Variants in RAPGEF6 observed in about 807,000 individuals in gnomAD.
RAPGEF6 encodes the protein Rap guanine nucleotide exchange factor 6.
Under a neutral mutation model 171.4 loss-of-function variants are expected in RAPGEF6, and 56 were observed. That is an observed-to-expected ratio of 0.33 (90% CI 0.26 to 0.41). RAPGEF6 has a LOEUF of 0.41. Ranked by LOEUF, RAPGEF6 falls within the 10% of genes least tolerant of loss-of-function variation. The pLI, the probability that RAPGEF6 is intolerant of heterozygous loss-of-function variation, is 1.00. For synonymous variants in RAPGEF6, 692 were observed against 650.1 expected (o/e 1.06, Z -0.98); for missense variants, 1,674 against 1,921.4 (o/e 0.87, Z 2.41).
intron 24 of RAPGEF6, among the ~76,000 whole-genome samples, chr5:131,437,145 C>T (rs1752060543): frequency 6.6e-6 from 1 of 152,164 alleles, no homozygotes; most frequent in Non-Finnish European, 1.5e-5. Flanking sequence ...TTTGATAGTA[C>T]ACATGCAAGA....
rs1758752081 is a variant in RAPGEF6 at position 131,524,615 on chromosome 5, AGAGAGAGAG to A, written c.496-3103_496-3095del. 1.8e-4 allele frequency among the ~76,000 whole-genome samples: 4 copies of A among 22,234 alleles called. No individual in the cohort carries two copies. The Admixed American group carries it at 2.6e-3, about 15-fold the overall frequency. The allele number at this position is 22,234 out of a possible 152,430, so 14.6% of individuals were successfully genotyped here. ...GGAGGGGGGAGAGAGAGATTGAGAG[AGAGAGAGAG>A]AGAGAGAGAGAGAGAGAGACTTGCT... On this transcript the variant is annotated intron_variant, in intron 6 of 27. Transcript: ENST00000509018.
At chr5:131,510,700 C>T (rs570694931) in intron 7 of RAPGEF6, among the ~76,000 whole-genome samples, 1 of 152,284 alleles carries the variant, frequency 6.6e-6, no homozygotes, top group East Asian at 1.9e-4. Flanking sequence ...AGTGTGACAA[C>T]TAGGTGATAA....
At chr5:131,468,331 CAAA>C (rs397760383) in intron 17 of RAPGEF6, among the ~76,000 whole-genome samples, 5 of 46,094 alleles carry the variant, frequency 1.1e-4, no homozygotes, top group Admixed American at 4.1e-4. Context: ...GACTCCATCT[CAAA>C]AAAAAAAAAA....
At chr5:131,553,854 C>G (rs1761060738) in intron 5 of RAPGEF6, among the ~76,000 whole-genome samples, 1 of 150,798 alleles carries the variant, frequency 6.6e-6, no homozygotes, top group Non-Finnish European at 1.5e-5. Flanking sequence ...AGAAGACTTA[C>G]TCAACATACA....
At chr5:131,619,749 TTC>T (rs1441393928) in intron 1 of RAPGEF6, among the ~76,000 whole-genome samples, 12 of 152,188 alleles carry the variant, frequency 7.9e-5, no homozygotes, top group Non-Finnish European at 4.4e-5. Context: ...TGACATGTCA[TTC>T]TCTCTCCTAT....
chr5:131,530,148 A>G (rs1759276405), intron 6 of RAPGEF6, among the ~76,000 whole-genome samples: 1 of 151,396 alleles, frequency 6.6e-6, no homozygotes, highest in South Asian at 2.1e-4. Flanking sequence ...TAAGAAAAAA[A>G]AAAAAAGTAA....
At chr5:131,574,458 C>T (rs931966194) in intron 4 of RAPGEF6, among the ~76,000 whole-genome samples, 1 of 152,134 alleles carries the variant, frequency 6.6e-6, no homozygotes, top group African/African-American at 2.4e-5. Context: ...ACCCACTCCA[C>T]ATTACCTTCT....
chr5:131,534,610 T>TTC (rs1759635346), intron 6 of RAPGEF6, among the ~76,000 whole-genome samples: 1 of 151,212 alleles, frequency 6.6e-6, no homozygotes, highest in Admixed American at 6.6e-5. Flanking sequence ...CAATGTGTTT[T>TTC]TTTTTTTTTC....
chr5:131,553,797 T>C (rs1037277630), intron 5 of RAPGEF6, among the ~76,000 whole-genome samples: 2 of 151,708 alleles, frequency 1.3e-5, no homozygotes, highest in African/African-American at 4.8e-5. Context: ...GAATGGTATA[T>C]TAAGATGCAA....
chr5:131,623,479 T>A (rs1476470861), intron 1 of RAPGEF6, among the ~76,000 whole-genome samples: 7 of 144,768 alleles, frequency 4.8e-5, no homozygotes, highest in African/African-American at 1.8e-4. Flanking sequence ...TCACATTGCT[T>A]TTTTTTTTTT....
rs113226611 is a variant in RAPGEF6, at chr5:131,600,288, G to A, written c.197+2983C>T. On this transcript the variant is annotated intron_variant, in intron 3 of 27. Coordinates refer to ENST00000509018, the MANE Select transcript of RAPGEF6 (RefSeq NM_016340.6). ...TGTAATCCCAGCACTTTGGGAGGCC[G>A]AGGCAGGCAGATCACCTGAGGTCAC... Among the ~76,000 whole-genome samples, 937 of 152,272 alleles carry A rather than the reference G, an allele frequency of 6.2e-3. 5 individuals carry two copies. Among genetic ancestry groups the A allele is most frequent in the African/African-American group, 0.021 (888 of 41,556 alleles).
chr5:131,622,131 C>T (rs978913155), intron 1 of RAPGEF6, among the ~76,000 whole-genome samples: 1 of 152,040 alleles, frequency 6.6e-6, no homozygotes, highest in South Asian at 2.1e-4. Context: ...TTTAATAATC[C>T]TATAAATAAT....
intron 1 of RAPGEF6, among the ~76,000 whole-genome samples, chr5:131,630,324 A>T (rs1052430556): frequency 2.0e-5 from 3 of 152,214 alleles, no homozygotes; most frequent in Non-Finnish European, 4.4e-5. Context: ...TTTTTTAGAC[A>T]TAAGGCTATC....
At chr5:131,524,635 AGAGAGAG>A (rs1264614501) in intron 6 of RAPGEF6, among the ~76,000 whole-genome samples, 2 of 111,810 alleles carry the variant, frequency 1.8e-5, no homozygotes, top group African/African-American at 5.7e-5. Context: ...AGAGAGAGAG[AGAGAGAG>A]ACTTGCTCTG....
intron 13 of RAPGEF6, among the ~76,000 whole-genome samples, chr5:131,493,678 T>C (rs1353336806): frequency 6.6e-6 from 1 of 152,182 alleles, no homozygotes; most frequent in Non-Finnish European, 1.5e-5. Context: ...AGCTAAAGTT[T>C]TTTTTTTTTA....
chr5:131,522,031 T>C (rs1758531687), intron 6 of RAPGEF6, among the ~76,000 whole-genome samples: 1 of 152,130 alleles, frequency 6.6e-6, no homozygotes. Flanking sequence ...AGTAACAAGT[T>C]GATTACATTA....
intron 4 of RAPGEF6, among the ~76,000 whole-genome samples, chr5:131,564,098 G>A (rs76202713): frequency 0.036 from 5,422 of 152,292 alleles, 120 homozygotes; most frequent in East Asian, 0.11. Flanking sequence ...CTACAGGCAA[G>A]AGAAGCGTAA....
At chr5:131,464,304 T>C (rs745317314) in intron 17 of RAPGEF6, 23 bp from the exon 18 acceptor site, 1 of 1,589,622 alleles carries the variant, frequency 6.3e-7, no homozygotes, top group Non-Finnish European at 8.6e-7. Flanking sequence ...AAAGATATGC[T>C]TTGTTATTTT....
chr5:131,450,189 A>T, intron 21 of RAPGEF6: 1 of 835,498 alleles, frequency 1.2e-6, no homozygotes, highest in East Asian at 2.7e-5. Context: ...CTTAACAGTA[A>T]AATGACTTTA....
Sources: allele counts gnomAD v4.1 joint callset (sites outside exome capture counted in the v4.1 genomes callset), GRCh38; gene constraint gnomAD v4.1.1; transcripts MANE v1.5; gene names NCBI Gene and HGNC (gene_info 2026-07-23, HGNC 2026-07-21).